AKAP13: variants seen among roughly 807,000 people sequenced by gnomAD.
AKAP13 encodes A-kinase anchor protein 13.
AKAP13 carries 80 observed loss-of-function variants against 264.5 expected under a neutral mutation model. The observed-to-expected ratio is 0.30, with a 90% CI of 0.25 to 0.36. The LOEUF is 0.36. Among genes scored for constraint, AKAP13 ranks in the 10% least tolerant of loss-of-function variants. The probability of loss-of-function intolerance (pLI) is 1.00; values close to 1 mark genes in which losing one functional copy is unlikely to be tolerated. For synonymous variants in AKAP13, 1,380 were observed against 1,250.2 expected (o/e 1.10, Z -2.19); for missense variants, 3,712 against 3,435.2 (o/e 1.08, Z -2.01).
chr15:85,727,027 G>T lies in AKAP13; in HGVS notation c.6823-39G>T, dbSNP rs539811993. On this transcript the variant is annotated intron_variant, in intron 27 of 36. Transcript: ENST00000394518. This position sits in a 1 kb window ranked among gnomAD's most constrained non-coding sequence, Gnocchi z 5.3. ...AGCTGTCCTTCAGAGTTAGAATATTGTATATGTATCTTTTATTTGCCCTCT... is the reference window on the plus strand; with the variant it reads ...AGCTGTCCTTCAGAGTTAGAATATTTTATATGTATCTTTTATTTGCCCTCT... 1 of 1,609,556 alleles carries T rather than the reference G, an allele frequency of 6.2e-7. No homozygotes were observed. The highest frequency in any genetic ancestry group is 1.3e-5 in the African/African-American group (1 of 74,814).
At chr15:85,729,817 T>C (rs1567218212) in intron 29 of AKAP13, among the ~76,000 whole-genome samples, 1 of 152,098 alleles carries the variant, frequency 6.6e-6, no homozygotes, top group Non-Finnish European at 1.5e-5. Flanking sequence ...ATGCCTGTAA[T>C]CCCAGCTCCT....
intron 1 of AKAP13, among the ~76,000 whole-genome samples, chr15:85,450,777 T>C (rs1474818713): frequency 1.3e-5 from 2 of 152,214 alleles, no homozygotes; most frequent in Non-Finnish European, 2.9e-5. Flanking sequence ...TGTCCAATTA[T>C]ATGGTTGATT....
chr15:85,524,391 G>A (rs986989825), intron 3 of AKAP13, among the ~76,000 whole-genome samples: 1 of 151,994 alleles, frequency 6.6e-6, no homozygotes, highest in Non-Finnish European at 1.5e-5. Context: ...GGCCAGGCTG[G>A]TCTTGAACTC....
chr15:85,601,916 A>G (rs1408714201), intron 8 of AKAP13, among the ~76,000 whole-genome samples: 1 of 152,020 alleles, frequency 6.6e-6, no homozygotes, highest in East Asian at 1.9e-4. Flanking sequence ...TTCTACAAAA[A>G]AATTTAGAGG....
intron 14 of AKAP13, among the ~76,000 whole-genome samples, chr15:85,675,946 C>T (rs866066652): frequency 1.3e-5 from 2 of 151,714 alleles, no homozygotes; most frequent in Admixed American, 6.6e-5. Flanking sequence ...GAGTCTCACT[C>T]CATCGCCCGG....
intron 5 of AKAP13, among the ~76,000 whole-genome samples, chr15:85,574,361 C>T (rs1401630503): frequency 1.3e-5 from 2 of 152,156 alleles, no homozygotes; most frequent in African/African-American, 4.8e-5. Context: ...GGTATGCCTT[C>T]TGGATGCAAG....
intron 17 of AKAP13, among the ~76,000 whole-genome samples, chr15:85,694,107 C>G (rs147212063): frequency 1.2e-4 from 19 of 152,328 alleles, no homozygotes; most frequent in African/African-American, 4.6e-4. Flanking sequence ...AACCCTAAAG[C>G]TACTCAGTGG....
At chr15:85,404,979 CTT>C (rs1567041294) in intron 1 of AKAP13, among the ~76,000 whole-genome samples, 1 of 151,994 alleles carries the variant, frequency 6.6e-6, no homozygotes, top group African/African-American at 2.4e-5. Context: ...GTGTTTTTTT[CTT>C]TTTTTATAAG....
Position 85,399,534 on chromosome 15 carries a change from AAAAATAAAT to A in AKAP13, c.-12+18740_-12+18748del, listed in dbSNP as rs1567038733. 1.2e-3 allele frequency among the ~76,000 whole-genome samples: 107 copies of A among 88,082 alleles called. 1 individual carries two copies. Among genetic ancestry groups the A allele is most frequent in the African/African-American group, 3.6e-3 (95 of 26,476 alleles). The allele number at this position is 88,082 out of a possible 152,430, so 57.8% of individuals were successfully genotyped here. On this transcript the variant is annotated intron_variant, in intron 1 of 36. Transcript: ENST00000394518. ...AAAAAAAAAAAAAATAAAAAAATAA[AAAAATAAAT>A]AAATAAATAAATAAAGTTTTAGATG...
Position 85,644,228 on chromosome 15 carries a change from ATCT to A in AKAP13, c.4238-1585_4238-1583del, listed in dbSNP as rs201231804. Among the ~76,000 whole-genome samples the A allele has an allele frequency of 6.7e-4, 49 of 73,660 alleles. 1 individual carries two copies. The highest frequency in any genetic ancestry group is 4.4e-3 in the East Asian group (8 of 1,814). The allele number at this position is 73,660 out of a possible 152,430, so 48.3% of individuals were successfully genotyped here. A position where few individuals can be genotyped will look rare whatever the true frequency, so the allele number is the denominator to read the frequency against. On this transcript the variant is annotated intron_variant, in intron 9 of 36. Coordinates refer to ENST00000394518, the MANE Select transcript of AKAP13 (RefSeq NM_007200.5). ...ACAAAAACAGAGATGCATGACTTTT[ATCT>A]TCTTTTTTTTTTTTTTTGGAAATGA... is the stretch of plus-strand genomic sequence containing the variant.
At chr15:85,462,763 GC>G (rs1465569293) in intron 1 of AKAP13, among the ~76,000 whole-genome samples, 3 of 152,010 alleles carry the variant, frequency 2.0e-5, no homozygotes, top group African/African-American at 7.2e-5. Context: ...GGTGGCTCAC[GC>G]CTGTAATCCC....
At chr15:85,703,310 G>A (rs1365986328) in intron 17 of AKAP13, among the ~76,000 whole-genome samples, 1 of 152,186 alleles carries the variant, frequency 6.6e-6, no homozygotes, top group Non-Finnish European at 1.5e-5. Context: ...AAGCAATAAA[G>A]GCAATTCTTT....
chr15:85,496,090 A>G (rs567383181), intron 2 of AKAP13, among the ~76,000 whole-genome samples: 1 of 152,278 alleles, frequency 6.6e-6, no homozygotes, highest in East Asian at 1.9e-4. Flanking sequence ...ACCTGATTTA[A>G]TCATGACAAT....
intron 13 of AKAP13, among the ~76,000 whole-genome samples, chr15:85,667,709 G>A (rs1329401898): frequency 6.6e-6 from 1 of 152,156 alleles, no homozygotes; most frequent in Non-Finnish European, 1.5e-5. Flanking sequence ...GCTATTAGCT[G>A]AACAGTATTA....
At chr15:85,596,049 A>G (rs748507179) in intron 8 of AKAP13, among the ~76,000 whole-genome samples, 4 of 152,188 alleles carry the variant, frequency 2.6e-5, no homozygotes, top group Non-Finnish European at 4.4e-5. Flanking sequence ...CCAAAACCCT[A>G]TCACTGCTGT....
chr15:85,585,968 G>A (rs1823472343), intron 8 of AKAP13, 145 bp downstream of exon 8: 4 of 1,136,750 alleles, frequency 3.5e-6, no homozygotes, highest in Non-Finnish European at 4.9e-6. Context: ...ATATAAATGT[G>A]TTTATGTTGC....
At chr15:85,701,393 G>A (rs550661940) in intron 17 of AKAP13, among the ~76,000 whole-genome samples, 1 of 152,114 alleles carries the variant, frequency 6.6e-6, no homozygotes, top group South Asian at 2.1e-4. Context: ...AGTTCTACCT[G>A]CTCAGCAAAA....
intron 35 of AKAP13, 21 bp from the exon 36 acceptor site, chr15:85,743,471 C>T: frequency 6.2e-7 from 1 of 1,602,540 alleles, no homozygotes; most frequent in South Asian, 1.1e-5. Flanking sequence ...AAGTGAAAAC[C>T]CTTCTCTTGA....
intron 23 of AKAP13, among the ~76,000 whole-genome samples, chr15:85,720,290 GTT>G (rs1425695876): frequency 7.5e-6 from 1 of 133,102 alleles, no homozygotes; most frequent in East Asian, 2.1e-4. Context: ...GTGTGTGTGT[GTT>G]GGAAATCTTC....
Sources: allele counts gnomAD v4.1 joint callset (sites outside exome capture counted in the v4.1 genomes callset), GRCh38; gene constraint gnomAD v4.1.1; non-coding constraint Gnocchi (gnomAD v3.1); transcripts MANE v1.5; gene names NCBI Gene and HGNC (gene_info 2026-07-23, HGNC 2026-07-21).